Variants in KATNBL1 observed in about 807,000 individuals in gnomAD.
KATNBL1 encodes katanin regulatory subunit B1 like 1, also known as KATNB1-like protein 1.
Under a neutral mutation model 44.7 loss-of-function variants are expected in KATNBL1, and 28 were observed. The ratio of observed to expected loss-of-function variants is 0.63; its 90% CI spans 0.46 to 0.86. The LOEUF (loss-of-function observed/expected upper bound fraction) is 0.86, where lower values mean the gene tolerates loss of function less well. KATNBL1 is among the 40% of genes least tolerant of loss of function. The pLI, the probability that KATNBL1 is intolerant of heterozygous loss-of-function variation, is 0.00. For synonymous variants in KATNBL1, 78 were observed against 114.9 expected (o/e 0.68, Z 2.06); for missense variants, 272 against 350.7 (o/e 0.78, Z 1.79).
chr15:34,193,851 CAAAAAAAA>C (rs58951561), intron 1 of KATNBL1, among the ~76,000 whole-genome samples: 19 of 63,564 alleles, frequency 3.0e-4, no homozygotes, highest in Admixed American at 1.3e-3. Flanking sequence ...GGCCCTGTCT[CAAAAAAAA>C]AAAAAAAAAA....
chr15:34,166,464 G>C (rs868827474), intron 1 of KATNBL1, among the ~76,000 whole-genome samples: 2 of 152,378 alleles, frequency 1.3e-5, no homozygotes, highest in African/African-American at 4.8e-5. Flanking sequence ...GCCCACTGCA[G>C]CTCTGCAAGG....
chr15:34,147,380 C>A lies in KATNBL1; in HGVS notation c.608G>T (p.Cys203Phe). 1 of 1,612,054 alleles carries A rather than the reference C, an allele frequency of 6.2e-7. No homozygotes were observed. Among genetic ancestry groups the A allele is most frequent in the Non-Finnish European group, 8.5e-7 (1 of 1,178,486 alleles). ...TTTTTCTGAAAAATATTGTTTTTACCAATTGGTGAGCACAGGAAGGCAATC... is the reference window on the plus strand; with the variant it reads ...TTTTTCTGAAAAATATTGTTTTTACAAATTGGTGAGCACAGGAAGGCAATC... ...VVDCLPVLTN[C>F]LQEEKQYISL... Residue 203 changes from cysteine to phenylalanine, a missense_variant and splice_region_variant, in exon 6 of 10, where the codon TGT becomes TTT. Transcript: ENST00000256544.
intron 1 of KATNBL1, among the ~76,000 whole-genome samples, chr15:34,200,373 C>A (rs1890148150): frequency 6.6e-6 from 1 of 151,994 alleles, no homozygotes; most frequent in African/African-American, 2.4e-5. Context: ...GTGCCTCAGC[C>A]TCCTGAGTAG....
At chr15:34,161,113 A>C (rs1334447374) in intron 2 of KATNBL1, among the ~76,000 whole-genome samples, 3 of 151,810 alleles carry the variant, frequency 2.0e-5, no homozygotes, top group Admixed American at 1.3e-4. Flanking sequence ...CGGACTCAAC[A>C]CTCGCTTTGC....
chr15:34,154,801 C>A, intron 2 of KATNBL1, 117 bp from the exon 3 acceptor site: 1 of 710,034 alleles, frequency 1.4e-6, no homozygotes, highest in Non-Finnish European at 2.5e-6. Flanking sequence ...CAGAAGGGTG[C>A]CAATCGTGCC....
At position 34,141,998 on chromosome 15, in the gene KATNBL1, A is replaced by T. The variant is rs902190668; in HGVS notation, c.*341T>A. ...TAAGTCCTGTCTTATTTTTTCACAT[A>T]GTATAAATTATATTTTTATGCAGGA... On this transcript the variant is annotated 3_prime_UTR_variant, in exon 10 of 10. Transcript: ENST00000256544. 1 of 172,060 alleles carries T rather than the reference A, an allele frequency of 5.8e-6. No individual in the cohort carries two copies. Among genetic ancestry groups the T allele is most frequent in the African/African-American group, 2.4e-5 (1 of 42,226 alleles). 10.7% of individuals were successfully genotyped at this position (172,060 alleles called of 1,614,324 possible). A position where few individuals can be genotyped will look rare whatever the true frequency, so the allele number is the denominator to read the frequency against.
chr15:34,205,930 A>G (rs1302039601), intron 1 of KATNBL1, among the ~76,000 whole-genome samples: 1 of 152,190 alleles, frequency 6.6e-6, no homozygotes, highest in African/African-American at 2.4e-5. Context: ...TGCCTTTAGG[A>G]GAAATAATCT....
At chr15:34,199,189 A>T (rs1255068553) in intron 1 of KATNBL1, among the ~76,000 whole-genome samples, 1 of 152,214 alleles carries the variant, frequency 6.6e-6, no homozygotes, top group East Asian at 1.9e-4. Flanking sequence ...CTGTAATCCC[A>T]GCACTTTGGG....
In KATNBL1 at chr15:34,163,633, T is replaced by C. The variant is rs779923618; in HGVS notation, c.44A>G (p.Asn15Ser). 6.9e-6 allele frequency: 11 copies of C among 1,598,650 alleles called. No individual in the cohort carries two copies. Among genetic ancestry groups the C allele is most frequent in the African/African-American group, 2.7e-5 (2 of 73,942 alleles). ...THNVKKRNFCNKIEDHFIDLP... is the reference protein window; with the variant it reads ...THNVKKRNFCSKIEDHFIDLP... ...ATCAATGAAATGATCCTCAATCTTA[T>C]TACAAAAGTTCCGTTTTTTAACATT... Residue 15 changes from asparagine to serine, a missense_variant, in exon 2 of 10, where the codon AAT (asparagine) becomes AGT (serine). This residue lies in a region of KATNBL1 where 122 missense variants were observed against 125.0 expected (regional missense o/e 0.98). Transcript: ENST00000256544.
chr15:34,147,115 G>A (rs1888332538), intron 7 of KATNBL1, 85 bp downstream of exon 7: 1 of 787,936 alleles, frequency 1.3e-6, no homozygotes, highest in Admixed American at 2.4e-5. Context: ...ATGTCTCATG[G>A]AGCCCAATCT....
intron 9 of KATNBL1, 192 bp downstream of exon 9, chr15:34,145,206 G>A: frequency 7.3e-7 from 1 of 1,376,466 alleles, no homozygotes; most frequent in Non-Finnish European, 9.6e-7. Context: ...ATGTTCAATG[G>A]CCAATTCCTG....
At chr15:34,179,442 A>G (rs922254834) in intron 1 of KATNBL1, among the ~76,000 whole-genome samples, 8 of 152,184 alleles carry the variant, frequency 5.3e-5, no homozygotes, top group Non-Finnish European at 1.0e-4. Context: ...CACATAGGGG[A>G]TTAAGTTTCC....
intron 1 of KATNBL1, among the ~76,000 whole-genome samples, chr15:34,199,361 C>T (rs59654806): frequency 5.3e-5 from 8 of 152,144 alleles, no homozygotes; most frequent in African/African-American, 9.7e-5. Flanking sequence ...CTCTTGAACC[C>T]GGGAGGTGGA....
At chr15:34,145,947 CTT>C (rs35429469) in intron 8 of KATNBL1, 38,877 of 122,942 alleles carry the variant, frequency 0.32, 4,884 homozygotes, top group African/African-American at 0.42. Flanking sequence ...TAAATTGTGG[CTT>C]TTTTTTTTTT....
chr15:34,209,571 A>G (rs1339369558), intron 1 of KATNBL1: 2 of 152,324 alleles, frequency 1.3e-5, no homozygotes, highest in African/African-American at 4.8e-5. Context: ...GGCCGGGCCT[A>G]GGCGCTCTGC....
intron 1 of KATNBL1, among the ~76,000 whole-genome samples, chr15:34,172,966 T>G (rs1889216920): frequency 6.6e-6 from 1 of 152,138 alleles, no homozygotes; most frequent in Non-Finnish European, 1.5e-5. Context: ...AAAAATATTT[T>G]AAAGAATTGC....
At chr15:34,197,115 A>G (rs1890048003) in intron 1 of KATNBL1, among the ~76,000 whole-genome samples, 1 of 152,224 alleles carries the variant, frequency 6.6e-6, no homozygotes, top group Non-Finnish European at 1.5e-5. Flanking sequence ...AACAACCACT[A>G]TTTGCATCCA....
In KATNBL1 at chr15:34,210,023, T is replaced by G. The variant is rs1890397742; in HGVS notation, c.-87A>C. On this transcript the variant is annotated 5_prime_UTR_variant, in exon 1 of 10. Coordinates refer to ENST00000256544, the MANE Select transcript of KATNBL1 (RefSeq NM_024713.3). ...GACCAGCGCCCGGCAGCCTAGAGAGTCCCTCGGCTTCTGGGCCGAGTCCCA... is the reference window on the plus strand; with the variant it reads ...GACCAGCGCCCGGCAGCCTAGAGAGGCCCTCGGCTTCTGGGCCGAGTCCCA... 6.8e-6 allele frequency: 1 copy of G among 147,576 alleles called. No individual in the cohort carries two copies. The highest frequency in any genetic ancestry group is 2.5e-5 in the African/African-American group (1 of 40,350). The allele number at this position is 147,576 out of a possible 1,614,324, so 9.1% of individuals were successfully genotyped here.
chr15:34,174,360 C>T (rs922421535), intron 1 of KATNBL1, among the ~76,000 whole-genome samples: 8 of 152,210 alleles, frequency 5.3e-5, no homozygotes, highest in East Asian at 1.9e-4. Flanking sequence ...AACGTGTTTA[C>T]GTAACCTGGA....
Sources: gnomAD v4.1 joint callset for allele counts (sites outside exome capture counted in the v4.1 genomes callset) on GRCh38, gnomAD v4.1.1 for gene constraint, gnomAD v4.1.1 regional missense constraint, MANE v1.5 for transcripts, NCBI Gene and HGNC (gene_info 2026-07-23, HGNC 2026-07-21) for gene names.